BCKDHB: variants seen among roughly 807,000 people sequenced by gnomAD.
BCKDHB encodes the protein branched chain keto acid dehydrogenase E1 subunit beta.
BCKDHB carries 41 observed loss-of-function variants against 48.5 expected under a neutral mutation model. The observed-to-expected ratio is 0.85, with a 90% CI of 0.66 to 1.10. The LOEUF is 1.10. BCKDHB is among the 50% of genes least tolerant of loss of function. The pLI is 0.00. For missense variants in BCKDHB, 496 were observed against 494.2 expected, an observed-to-expected ratio of 1.00 and a Z score of -0.03; for synonymous variants, 201 against 174.8, an observed-to-expected ratio of 1.15 and a Z score of -1.18.
At chr6:80,223,881 A>G (rs1455424215) in intron 8 of BCKDHB, among the ~76,000 whole-genome samples, 1 of 152,162 alleles carries the variant, frequency 6.6e-6, no homozygotes, top group Non-Finnish European at 1.5e-5. Flanking sequence ...GGGATTGACT[A>G]ATCTGTTAAA....
the BCKDHB span, among the ~76,000 whole-genome samples, chr6:80,377,371 T>C: frequency 6.6e-6 from 1 of 152,130 alleles, no homozygotes; most frequent in Non-Finnish European, 1.5e-5. Context: ...TTTATCTAAT[T>C]TTTTTGGTTG....
At chr6:80,217,498 T>C (rs1478047878) in intron 8 of BCKDHB, among the ~76,000 whole-genome samples, 1 of 152,216 alleles carries the variant, frequency 6.6e-6, no homozygotes, top group Non-Finnish European at 1.5e-5. Context: ...GTTTTTTCTG[T>C]ATTTCCCTTT....
At chr6:80,145,877 C>G (rs1771461317) in intron 3 of BCKDHB, among the ~76,000 whole-genome samples, 1 of 152,130 alleles carries the variant, frequency 6.6e-6, no homozygotes, top group Non-Finnish European at 1.5e-5. Context: ...GCCCTGGGAT[C>G]TCTTGGGTTA....
At chr6:80,425,721 T>C in the BCKDHB span, among the ~76,000 whole-genome samples, 1 of 152,170 alleles carries the variant, frequency 6.6e-6, no homozygotes, top group African/African-American at 2.4e-5. Flanking sequence ...GTTGTTCTCA[T>C]GATAGTATAC....
At chr6:80,326,562 C>T (rs1769038722) in intron 9 of BCKDHB, among the ~76,000 whole-genome samples, 1 of 152,130 alleles carries the variant, frequency 6.6e-6, no homozygotes, top group African/African-American at 2.4e-5. Flanking sequence ...GAGGACTACC[C>T]TTTCTACAAA....
the BCKDHB span, among the ~76,000 whole-genome samples, chr6:80,408,113 A>G: frequency 2.6e-3 from 402 of 152,172 alleles, 4 homozygotes; most frequent in African/African-American, 9.2e-3. Flanking sequence ...TGAGATAATC[A>G]TGTGGTTTTT....
At chr6:80,183,158 T>A (rs1773492421) in intron 6 of BCKDHB, among the ~76,000 whole-genome samples, 1 of 152,144 alleles carries the variant, frequency 6.6e-6, no homozygotes, top group Non-Finnish European at 1.5e-5. Flanking sequence ...CCTTTCTTGC[T>A]TTCTCTAAGC....
Position 80,343,963 on chromosome 6 carries a change from A to G in BCKDHB, c.*159A>G. The stretch of plus-strand genomic sequence containing the variant: ...TTCAGAAGAAAATAATGTGCTTTAG[A>G]AAAAAAATTCAAATTTATAGTAGTA... On this transcript the variant is annotated 3_prime_UTR_variant, in exon 10 of 10. Coordinates refer to ENST00000320393, the MANE Select transcript of BCKDHB (RefSeq NM_183050.4). 5 of 918,492 alleles carry G rather than the reference A, an allele frequency of 5.4e-6. No individual in the cohort carries two copies. Among genetic ancestry groups the G allele is most frequent in the South Asian group, 2.9e-5 (2 of 67,984 alleles). The allele number at this position is 918,492 out of a possible 1,614,324, so 56.9% of individuals were successfully genotyped here.
At position 80,182,702 on chromosome 6, in the gene BCKDHB, G is replaced by C. The variant is rs543752578; in HGVS notation, c.742+11312G>C. Among the ~76,000 whole-genome samples, 3 of 152,190 alleles carry C rather than the reference G, an allele frequency of 2.0e-5. No homozygotes were observed. The East Asian group carries it at 5.8e-4, about 29-fold the overall frequency. ...GAATACATTTACTTCCATGTAAACA[G>C]ATTTTGTATGTGTAACATAAAAATA... is the stretch of plus-strand genomic sequence containing the variant. On this transcript the variant is annotated intron_variant, in intron 6 of 9. Coordinates refer to ENST00000320393, the MANE Select transcript of BCKDHB (RefSeq NM_183050.4).
chr6:80,160,006 T>C (rs977227798), intron 3 of BCKDHB, among the ~76,000 whole-genome samples: 4 of 152,230 alleles, frequency 2.6e-5, no homozygotes, highest in Non-Finnish European at 5.9e-5. Flanking sequence ...TTTAATTTTA[T>C]CCCAGATAGA....
intron 9 of BCKDHB, among the ~76,000 whole-genome samples, chr6:80,330,459 C>T (rs948535258): frequency 6.6e-6 from 1 of 152,110 alleles, no homozygotes; most frequent in East Asian, 1.9e-4. Context: ...ATTTACTGAT[C>T]CCTGCTCCAT....
At chr6:80,428,040 A>G in the BCKDHB span, among the ~76,000 whole-genome samples, 1 of 146,654 alleles carries the variant, frequency 6.8e-6, no homozygotes, top group African/African-American at 2.5e-5. Flanking sequence ...ACCCCCTCAC[A>G]GGCCTCGGTG....
intron 8 of BCKDHB, among the ~76,000 whole-genome samples, chr6:80,240,969 A>G (rs1035604204): frequency 2.6e-5 from 4 of 151,802 alleles, no homozygotes; most frequent in African/African-American, 9.7e-5. Context: ...TTTTTTCTCT[A>G]AACTTCTCTT....
the BCKDHB span, among the ~76,000 whole-genome samples, chr6:80,418,238 G>A: frequency 6.6e-6 from 1 of 151,990 alleles, no homozygotes; most frequent in African/African-American, 2.4e-5. Context: ...AACATACTTC[G>A]GTAGCTCAAT....
At position 80,108,583 on chromosome 6, in the gene BCKDHB, C is replaced by G. The variant is rs187864349; in HGVS notation, c.196+1694C>G. 3.3e-5 allele frequency among the ~76,000 whole-genome samples: 5 copies of G among 149,646 alleles called. No homozygotes were observed. The Admixed American group carries it at 3.3e-4, about 10-fold the overall frequency. ...GTAAAAAAAAAAAAAAAAAATCTGC[C>G]GGGCGCAGTGGCTCACGTCTGTAAT... On this transcript the variant is annotated intron_variant, in intron 1 of 9. Transcript: ENST00000320393.
At chr6:80,294,046 C>G (rs1192840394) in intron 9 of BCKDHB, among the ~76,000 whole-genome samples, 2 of 152,216 alleles carry the variant, frequency 1.3e-5, no homozygotes, top group African/African-American at 4.8e-5. Flanking sequence ...CTGTCTTCTT[C>G]TGAGCCCTCC....
At chr6:80,289,221 A>G (rs1003118621) in intron 9 of BCKDHB, among the ~76,000 whole-genome samples, 6 of 152,158 alleles carry the variant, frequency 3.9e-5, no homozygotes, top group African/African-American at 1.4e-4. Flanking sequence ...ATAAAATTTC[A>G]TTGCAGAATC....
At chr6:80,324,723 T>C (rs988645544) in intron 9 of BCKDHB, among the ~76,000 whole-genome samples, 1 of 152,156 alleles carries the variant, frequency 6.6e-6, no homozygotes, top group African/African-American at 2.4e-5. Context: ...AATACTGCTA[T>C]CCTGCTCCCT....
chr6:80,354,009 A>G, the BCKDHB span, among the ~76,000 whole-genome samples: 22 of 152,010 alleles, frequency 1.4e-4, no homozygotes, highest in African/African-American at 5.1e-4. Flanking sequence ...GTATATTCAT[A>G]TTTTTTGCCC....
Sources: allele counts gnomAD v4.1 joint callset (sites outside exome capture counted in the v4.1 genomes callset), GRCh38; gene constraint gnomAD v4.1.1; transcripts MANE v1.5; gene names NCBI Gene and HGNC (gene_info 2026-07-23, HGNC 2026-07-21).